TMCC1: variants seen among roughly 807,000 people sequenced by gnomAD.
TMCC1 encodes transmembrane and coiled-coil domains protein 1.
In TMCC1, 15 loss-of-function variants were observed where a neutral mutation model predicts 52.4. That is an observed-to-expected ratio of 0.29 (90% CI 0.19 to 0.44). TMCC1 has a LOEUF of 0.44. TMCC1 is among the 20% of genes least tolerant of loss of function. The probability of loss-of-function intolerance (pLI) is 1.00; values close to 1 mark genes in which losing one functional copy is unlikely to be tolerated. For synonymous variants in TMCC1, 279 were observed against 301.9 expected, an observed-to-expected ratio of 0.92 and a Z score of 0.79; for missense variants, 503 against 806.0, an observed-to-expected ratio of 0.62 and a Z score of 4.55.
intron 2 of TMCC1, among the ~76,000 whole-genome samples, chr3:129,865,431 G>A (rs1489283056): frequency 6.6e-6 from 1 of 151,908 alleles, no homozygotes; most frequent in African/African-American, 2.4e-5. Flanking sequence ...GATTACAGGC[G>A]TGAGCCACCA....
chr3:129,820,162 G>C (rs1389376216), intron 4 of TMCC1, among the ~76,000 whole-genome samples: 1 of 149,848 alleles, frequency 6.7e-6, no homozygotes, highest in Admixed American at 6.8e-5. Flanking sequence ...TCAAAAGCAT[G>C]ACTTCTAGAG....
At chr3:129,834,118 T>C (rs1342155511) in intron 2 of TMCC1, among the ~76,000 whole-genome samples, 5 of 152,194 alleles carry the variant, frequency 3.3e-5, no homozygotes, top group Admixed American at 2.6e-4. Flanking sequence ...TCAGTTAGAA[T>C]TGGATTTGTT....
At chr3:129,867,914 C>T (rs2060729662) in intron 2 of TMCC1, among the ~76,000 whole-genome samples, 1 of 152,218 alleles carries the variant, frequency 6.6e-6, no homozygotes, top group African/African-American at 2.4e-5. Context: ...AGGCTTCTAA[C>T]TTCTAGAAGA....
At chr3:129,721,241 T>C (rs1159152500) in intron 4 of TMCC1, among the ~76,000 whole-genome samples, 1 of 152,184 alleles carries the variant, frequency 6.6e-6, no homozygotes, top group Non-Finnish European at 1.5e-5. Flanking sequence ...CAAGCCTTCC[T>C]TCAAATGTCT....
intron 4 of TMCC1, among the ~76,000 whole-genome samples, chr3:129,702,886 T>C (rs951319843): frequency 6.6e-6 from 1 of 152,096 alleles, no homozygotes; most frequent in Admixed American, 6.5e-5. Flanking sequence ...CGTGATAGCG[T>C]GCGCCTGTAA....
At chr3:129,730,804 C>A (rs984787355) in intron 4 of TMCC1, among the ~76,000 whole-genome samples, 1 of 152,160 alleles carries the variant, frequency 6.6e-6, no homozygotes, top group Non-Finnish European at 1.5e-5. Flanking sequence ...AATTCTCAAA[C>A]AACAAACTAC....
At chr3:129,723,478 T>C (rs141809208) in intron 4 of TMCC1, among the ~76,000 whole-genome samples, 2 of 151,612 alleles carry the variant, frequency 1.3e-5, no homozygotes, top group African/African-American at 4.8e-5. Context: ...CCTGGCATCT[T>C]CGAATTTAAC....
chr3:129,843,911 C>CAAAA (rs11391229), intron 2 of TMCC1, among the ~76,000 whole-genome samples: 2 of 135,592 alleles, frequency 1.5e-5, no homozygotes, highest in South Asian at 2.3e-4. Context: ...CAGACACTAC[C>CAAAA]AAAAAAAAAA....
At chr3:129,707,441 AC>A (rs1220439271) in intron 4 of TMCC1, among the ~76,000 whole-genome samples, 1 of 152,222 alleles carries the variant, frequency 6.6e-6, no homozygotes, top group Non-Finnish European at 1.5e-5. Context: ...TTTATCACAT[AC>A]GACTAAGAAG....
chr3:129,837,338 CT>C (rs1412568051), intron 2 of TMCC1, among the ~76,000 whole-genome samples: 1 of 152,130 alleles, frequency 6.6e-6, no homozygotes, highest in East Asian at 1.9e-4. Context: ...AAGACTCAGA[CT>C]CTCACGGAGA....
At chr3:129,707,950 T>A (rs2048368231) in intron 4 of TMCC1, among the ~76,000 whole-genome samples, 1 of 151,610 alleles carries the variant, frequency 6.6e-6, no homozygotes, top group South Asian at 2.1e-4. Flanking sequence ...AAAGTTAAAA[T>A]TGAGACGACT....
At chr3:129,838,888 A>G (rs904040699) in intron 2 of TMCC1, among the ~76,000 whole-genome samples, 2 of 152,132 alleles carry the variant, frequency 1.3e-5, no homozygotes, top group Non-Finnish European at 2.9e-5. Context: ...TAAGATTATA[A>G]TAAACTTACC....
intron 4 of TMCC1, among the ~76,000 whole-genome samples, chr3:129,732,822 T>C (rs1181550453): frequency 6.6e-6 from 1 of 152,184 alleles, no homozygotes; most frequent in Non-Finnish European, 1.5e-5. Flanking sequence ...AGGTTCATGG[T>C]GCAAGAGAAC....
rs560035582 is a variant in TMCC1, at chr3:129,815,386, G to C, written c.576+12417C>G. ...AAGCAATAGTAAACATATTAGCACAGTACTGGCATAAAAACACACAGACCA... is the reference window on the plus strand; with the variant it reads ...AAGCAATAGTAAACATATTAGCACACTACTGGCATAAAAACACACAGACCA... On this transcript the variant is annotated intron_variant, in intron 4 of 6. Transcript: ENST00000393238. 1.2e-3 allele frequency among the ~76,000 whole-genome samples: 183 copies of C among 152,196 alleles called. 1 individual carries two copies. The highest frequency in any genetic ancestry group is 4.3e-3 in the African/African-American group (180 of 41,524).
chr3:129,836,173 T>C lies in TMCC1; in HGVS notation c.-183-3347A>G, dbSNP rs919590034. Among the ~76,000 whole-genome samples, 11 of 152,152 alleles carry C rather than the reference T, an allele frequency of 7.2e-5. No homozygotes were observed. The East Asian group carries it at 2.1e-3, about 29-fold the overall frequency. ...GGAAGATGCAACAATTTTAAATTTG[T>C]ATGCATGTAATAACATAGCCTCCAA... On this transcript the variant is annotated intron_variant, in intron 2 of 6. Coordinates refer to ENST00000393238, the MANE Select transcript of TMCC1 (RefSeq NM_001017395.5).
chr3:129,742,991 A>G (rs774675312), intron 4 of TMCC1, among the ~76,000 whole-genome samples: 9 of 152,172 alleles, frequency 5.9e-5, no homozygotes, highest in Non-Finnish European at 1.3e-4. Context: ...GCAAATCTAT[A>G]GGGATAGAAA....
Position 129,828,440 on chromosome 3 carries a change from C to T in TMCC1, c.-62G>A. 1 of 1,503,398 alleles carries T rather than the reference C, an allele frequency of 6.7e-7. No individual in the cohort carries two copies. Among genetic ancestry groups the T allele is most frequent in the Non-Finnish European group, 9.0e-7 (1 of 1,106,216 alleles). 93.1% of individuals were successfully genotyped at this position (1,503,398 alleles called of 1,614,324 possible). A position where few individuals can be genotyped will look rare whatever the true frequency, so the allele number is the denominator to read the frequency against. On this transcript the variant is annotated 5_prime_UTR_variant, in exon 4 of 7. Coordinates refer to ENST00000393238, the MANE Select transcript of TMCC1 (RefSeq NM_001017395.5). This position sits in a 1 kb window ranked among gnomAD's most constrained non-coding sequence, Gnocchi z 4.1. ...AATTTTTTAAACACACCAAGAGTGTCAAATTAGGTAGGCATTTGCTTCAAC... is the reference window on the plus strand; with the variant it reads ...AATTTTTTAAACACACCAAGAGTGTTAAATTAGGTAGGCATTTGCTTCAAC...
Position 129,828,887 on chromosome 3 carries a change from T to C in TMCC1, c.-130-379A>G, listed in dbSNP as rs548488215. On this transcript the variant is annotated intron_variant, in intron 3 of 6. Coordinates refer to ENST00000393238, the MANE Select transcript of TMCC1 (RefSeq NM_001017395.5). This position sits in a 1 kb window ranked among gnomAD's most constrained non-coding sequence, Gnocchi z 4.1. ...CAAGAGAAGAGACCATCCAATAGGT[T>C]TACTCTAGCTGAGGCAATTTAATCC... 6.6e-6 allele frequency among the ~76,000 whole-genome samples: 1 copy of C among 152,198 alleles called. No individual in the cohort carries two copies. Among genetic ancestry groups the C allele is most frequent in the African/African-American group, 2.4e-5 (1 of 41,456 alleles).
At chr3:129,800,618 CTT>C (rs1427493691) in intron 4 of TMCC1, among the ~76,000 whole-genome samples, 1 of 149,538 alleles carries the variant, frequency 6.7e-6, no homozygotes, top group Non-Finnish European at 1.5e-5. Flanking sequence ...TTTAAAATCT[CTT>C]TAAGTTCCTT....
Sources: gnomAD v4.1 joint callset for allele counts (sites outside exome capture counted in the v4.1 genomes callset) on GRCh38, gnomAD v4.1.1 for gene constraint, Gnocchi (gnomAD v3.1) non-coding constraint, MANE v1.5 for transcripts, NCBI Gene and HGNC (gene_info 2026-07-23, HGNC 2026-07-21) for gene names.